Variants in SLIT3 observed in about 807,000 individuals in gnomAD.
SLIT3 encodes slit guidance ligand 3.
In SLIT3, 68 loss-of-function variants were observed where a neutral mutation model predicts 184.0. The observed-to-expected ratio is 0.37, with a 90% CI of 0.30 to 0.45. The LOEUF (loss-of-function observed/expected upper bound fraction) is 0.45, where lower values mean the gene tolerates loss of function less well. Among genes scored for constraint, SLIT3 ranks in the 20% least tolerant of loss-of-function variants. SLIT3 has a pLI of 1.00. For missense variants in SLIT3, 1,707 were observed against 2,026.0 expected, an observed-to-expected ratio of 0.84 and a Z score of 3.02; for synonymous variants, 831 against 828.6, an observed-to-expected ratio of 1.00 and a Z score of -0.05.
chr5:168,887,576 C>T (rs1465919368), intron 4 of SLIT3, among the ~76,000 whole-genome samples: 1 of 152,104 alleles, frequency 6.6e-6, no homozygotes, highest in Non-Finnish European at 1.5e-5. Context: ...GAATCATTTG[C>T]ACATTAGTTG....
intron 4 of SLIT3, among the ~76,000 whole-genome samples, chr5:169,155,630 C>G (rs975160046): frequency 6.6e-6 from 1 of 152,188 alleles, no homozygotes; most frequent in Non-Finnish European, 1.5e-5. Flanking sequence ...ACCTGGGGGA[C>G]TTGGCTCTTT....
At position 169,008,490 on chromosome 5, in the gene SLIT3, G is replaced by T. The variant is rs1190475807; in HGVS notation, c.414-125154C>A. 3.3e-5 allele frequency among the ~76,000 whole-genome samples: 5 copies of T among 152,068 alleles called. No homozygotes were observed. The South Asian group carries it at 8.3e-4, about 25-fold the overall frequency. Reference sequence around the variant, plus strand: ...GCCAGAGAAATCCACAGACCTCTTGGGCAGGTGGGCCCAGACGAGATAAGA... The same window carrying T: ...GCCAGAGAAATCCACAGACCTCTTGTGCAGGTGGGCCCAGACGAGATAAGA... On this transcript the variant is annotated intron_variant, in intron 4 of 35. Transcript: ENST00000519560.
At chr5:169,000,525 T>C (rs1231978474) in intron 4 of SLIT3, among the ~76,000 whole-genome samples, 1 of 150,154 alleles carries the variant, frequency 6.7e-6, no homozygotes, top group East Asian at 2.0e-4. Context: ...AATAAAAAAC[T>C]CACAGAAAGT....
At chr5:169,138,407 A>C (rs933295627) in intron 4 of SLIT3, among the ~76,000 whole-genome samples, 1 of 152,096 alleles carries the variant, frequency 6.6e-6, no homozygotes, top group African/African-American at 2.4e-5. Flanking sequence ...CTTTTCCTGC[A>C]GCCACATATC....
chr5:168,807,986 C>A (rs867477), intron 8 of SLIT3, among the ~76,000 whole-genome samples: 20,874 of 152,152 alleles, frequency 0.14, 1,626 homozygotes, highest in African/African-American at 0.21. Context: ...GTTTACCTCC[C>A]CAGAAAGTGC....
rs552996917 is a variant in SLIT3, at chr5:169,172,656, G to C, written c.413+20823C>G. On this transcript the variant is annotated intron_variant, in intron 4 of 35. Coordinates refer to ENST00000519560, the MANE Select transcript of SLIT3 (RefSeq NM_003062.4). Reference sequence around the variant, plus strand: ...TGGGAAGCTGATGTTCACATCCTCCGCCTCAAATACCTCTGAGGTAATGAA... The same window carrying C: ...TGGGAAGCTGATGTTCACATCCTCCCCCTCAAATACCTCTGAGGTAATGAA... 3.9e-5 allele frequency among the ~76,000 whole-genome samples: 6 copies of C among 152,252 alleles called. No homozygotes were observed. In the East Asian group the frequency reaches 9.6e-4, roughly 24 times the overall value.
intron 18 of SLIT3, among the ~76,000 whole-genome samples, chr5:168,750,827 A>G (rs1414175563): frequency 6.6e-6 from 1 of 152,092 alleles, no homozygotes; most frequent in African/African-American, 2.4e-5. Flanking sequence ...AGGATGCAGC[A>G]GTGAACAAAA....
At chr5:168,967,226 G>GTT (rs1341077014) in intron 4 of SLIT3, among the ~76,000 whole-genome samples, 1 of 151,890 alleles carries the variant, frequency 6.6e-6, no homozygotes, top group African/African-American at 2.4e-5. Context: ...ATAAATGTGT[G>GTT]TGTGCATGTG....
At chr5:168,672,817 C>T (rs892013143) in intron 33 of SLIT3, among the ~76,000 whole-genome samples, 2 of 152,126 alleles carry the variant, frequency 1.3e-5, no homozygotes, top group African/African-American at 2.4e-5. Flanking sequence ...AATTCTTCTA[C>T]ATTCATTAAT....
chr5:169,182,335 G>A (rs1413347784), intron 4 of SLIT3, among the ~76,000 whole-genome samples: 2 of 152,238 alleles, frequency 1.3e-5, no homozygotes, highest in Non-Finnish European at 2.9e-5. Flanking sequence ...GGACAGTGCT[G>A]TGTTATCATA....
intron 17 of SLIT3, among the ~76,000 whole-genome samples, chr5:168,753,607 T>C (rs2288791): frequency 0.084 from 12,812 of 152,268 alleles, 560 homozygotes; most frequent in South Asian, 0.1. Flanking sequence ...TATATACGTG[T>C]ATACACGAGA....
intron 4 of SLIT3, among the ~76,000 whole-genome samples, chr5:168,992,538 T>G (rs1755364558): frequency 6.6e-6 from 1 of 152,246 alleles, no homozygotes; most frequent in Non-Finnish European, 1.5e-5. Context: ...AAACTCTTTT[T>G]TAAAGCAGGG....
intron 4 of SLIT3, among the ~76,000 whole-genome samples, chr5:169,128,720 G>A (rs72832195): frequency 0.23 from 34,648 of 152,058 alleles, 4,675 homozygotes; most frequent in Middle Eastern, 0.32. Context: ...GTGAGCCACC[G>A]CGCCCAGCCT....
intron 10 of SLIT3, 103 bp from the exon 11 acceptor site, chr5:168,789,734 T>A: frequency 1.2e-6 from 1 of 841,470 alleles, no homozygotes; most frequent in Non-Finnish European, 2.0e-6. Flanking sequence ...ATGGTAAGGA[T>A]TAATCAATCA....
At chr5:168,835,272 A>T (rs1758011782) in intron 6 of SLIT3, among the ~76,000 whole-genome samples, 1 of 152,232 alleles carries the variant, frequency 6.6e-6, no homozygotes, top group Non-Finnish European at 1.5e-5. Flanking sequence ...TAAACAAAAA[A>T]ATTAAAGAAA....
intron 12 of SLIT3, among the ~76,000 whole-genome samples, chr5:168,782,911 G>A (rs1581077246): frequency 6.6e-6 from 1 of 152,186 alleles, no homozygotes; most frequent in Admixed American, 6.5e-5. Flanking sequence ...TAATTATAGG[G>A]AGACATACTA....
At chr5:168,992,428 C>T (rs1215061097) in intron 4 of SLIT3, among the ~76,000 whole-genome samples, 7 of 152,162 alleles carry the variant, frequency 4.6e-5, no homozygotes, top group African/African-American at 1.7e-4. Flanking sequence ...TTACTTTATG[C>T]GAGGGCTAAT....
chr5:168,769,668 C>T (rs1054641958), intron 14 of SLIT3, among the ~76,000 whole-genome samples: 1 of 152,164 alleles, frequency 6.6e-6, no homozygotes, highest in South Asian at 2.1e-4. Context: ...GATTAGGACC[C>T]TGGTACAAGA....
At chr5:169,001,885 T>TA (rs1261285973) in intron 4 of SLIT3, among the ~76,000 whole-genome samples, 1 of 151,970 alleles carries the variant, frequency 6.6e-6, no homozygotes, top group African/African-American at 2.4e-5. Context: ...CCCCTTGACA[T>TA]ACAGAATTGC....
Sources: gnomAD v4.1 joint callset for allele counts (sites outside exome capture counted in the v4.1 genomes callset) on GRCh38, gnomAD v4.1.1 for gene constraint, MANE v1.5 for transcripts, NCBI Gene and HGNC (gene_info 2026-07-23, HGNC 2026-07-21) for gene names.